C5: variants seen among roughly 807,000 people sequenced by gnomAD.
The protein encoded by C5 is complement C5.
A neutral mutation model predicts 218.8 loss-of-function variants in C5; 140 were observed. The ratio of observed to expected loss-of-function variants is 0.64; its 90% confidence interval spans 0.56 to 0.74. The LOEUF (loss-of-function observed/expected upper bound fraction) is 0.74, where lower values mean the gene tolerates loss of function less well. Among genes scored for constraint, C5 ranks in the 30% least tolerant of loss-of-function variants. The pLI, the probability that C5 is intolerant of heterozygous loss-of-function variation, is 0.00. For synonymous variants in C5, 614 were observed against 682.3 expected, an observed-to-expected ratio of 0.90 and a Z score of 1.56; for missense variants, 1,700 against 1,969.6, an observed-to-expected ratio of 0.86 and a Z score of 2.59.
chr9:121,067,175 G>A, the C5 span, among the ~76,000 whole-genome samples: 1 of 152,044 alleles, frequency 6.6e-6, no homozygotes, highest in Admixed American at 6.6e-5. Context: ...GATTGAGGCA[G>A]GAGAATCGCT....
intron 20 of C5, among the ~76,000 whole-genome samples, chr9:121,002,246 A>ATATATACG (rs2047172341): frequency 7.2e-5 from 3 of 41,696 alleles, no homozygotes; most frequent in African/African-American, 1.2e-4. Context: ...ATGTATATGT[A>ATATATACG]TATATATGTA....
At chr9:120,968,118 G>A (rs1056338183) in intron 33 of C5, among the ~76,000 whole-genome samples, 30 of 152,132 alleles carry the variant, frequency 2.0e-4, no homozygotes, top group African/African-American at 7.0e-4. Context: ...CTGAACCTGT[G>A]AATATGTTAC....
intron 32 of C5, 83 bp from the exon 33 acceptor site, chr9:120,969,201 C>G: frequency 9.6e-7 from 1 of 1,039,550 alleles, no homozygotes; most frequent in Non-Finnish European, 1.5e-6. Context: ...AGAACAGAAT[C>G]ATTAATGAGC....
At chr9:121,031,574 C>T (rs2047474727) in intron 6 of C5, among the ~76,000 whole-genome samples, 1 of 152,076 alleles carries the variant, frequency 6.6e-6, no homozygotes, top group South Asian at 2.1e-4. Context: ...AACACAAGTA[C>T]ACAGAGGTTG....
At chr9:121,039,786 C>T (rs1417246086) in intron 3 of C5, among the ~76,000 whole-genome samples, 1 of 152,110 alleles carries the variant, frequency 6.6e-6, no homozygotes, top group Non-Finnish European at 1.5e-5. Context: ...GTAGCTGGGA[C>T]TACAGGCACC....
intron 25 of C5, among the ~76,000 whole-genome samples, chr9:120,988,034 G>A (rs891337655): frequency 1.3e-5 from 2 of 152,088 alleles, no homozygotes; most frequent in Admixed American, 6.5e-5. Context: ...CTCATGATCC[G>A]CCCGCCTTGT....
chr9:121,008,536 T>C (rs749055707), intron 17 of C5, 38 bp from the exon 18 acceptor site: 4 of 1,425,232 alleles, frequency 2.8e-6, no homozygotes, highest in African/African-American at 1.4e-5. Context: ...GGAAAAACAA[T>C]ATAAATTCTA....
At chr9:121,001,507 CAA>C (rs1291577211) in intron 20 of C5, among the ~76,000 whole-genome samples, 1 of 152,090 alleles carries the variant, frequency 6.6e-6, no homozygotes, top group Non-Finnish European at 1.5e-5. Context: ...TATTAACAAA[CAA>C]TATATAGCGC....
At chr9:121,046,627 G>A (rs555967465) in intron 1 of C5, among the ~76,000 whole-genome samples, 4 of 152,294 alleles carry the variant, frequency 2.6e-5, no homozygotes, top group Admixed American at 1.3e-4. Context: ...TAAGGTGATA[G>A]CAGCACTTTC....
the C5 span, among the ~76,000 whole-genome samples, chr9:121,069,636 C>T: frequency 6.6e-6 from 1 of 151,940 alleles, no homozygotes; most frequent in Admixed American, 6.6e-5. Context: ...ACTCAGCCTC[C>T]CAAGTAGCTA....
At chr9:121,048,207 TTTAAG>T (rs1488557589) in intron 1 of C5, among the ~76,000 whole-genome samples, 3 of 152,248 alleles carry the variant, frequency 2.0e-5, no homozygotes, top group Admixed American at 6.5e-5. Flanking sequence ...GCTTTATGTT[TTTAAG>T]TTTAGTATTG....
intron 31 of C5, 48 bp from the exon 32 acceptor site, chr9:120,970,299 G>C: frequency 7.8e-7 from 1 of 1,283,278 alleles, no homozygotes; most frequent in Non-Finnish European, 1.1e-6. Context: ...AAGTGGGAAA[G>C]TGACAAAGGT....
the C5 span, among the ~76,000 whole-genome samples, chr9:121,071,405 C>T: frequency 9.9e-5 from 15 of 151,914 alleles, no homozygotes; most frequent in Non-Finnish European, 1.0e-4. Context: ...AAAAATCAGG[C>T]TGGGCATGCT....
intron 39 of C5, chr9:120,957,052 A>G (rs1467473154): frequency 4.7e-6 from 2 of 428,394 alleles, no homozygotes; most frequent in Non-Finnish European, 8.7e-6. Flanking sequence ...AAATTGGACA[A>G]TTACGCAATT....
In C5 at chr9:120,969,058, C is replaced by T. The variant is rs755476276; in HGVS notation, c.4220+3G>A. ...ATGCTCCCCTTTGTGGAAATAGGCTCACCTGGCACATGCTACTATGCGTTT... is the reference window on the plus strand; with the variant it reads ...ATGCTCCCCTTTGTGGAAATAGGCTTACCTGGCACATGCTACTATGCGTTT... On this transcript the variant is annotated splice_donor_region_variant and intron_variant, in intron 33 of 40. Transcript: ENST00000223642. 1 of 1,613,056 alleles carries T rather than the reference C, an allele frequency of 6.2e-7. No homozygotes were observed. The highest frequency in any genetic ancestry group is 2.2e-5 in the East Asian group (1 of 44,866).
chr9:121,044,428 A>T (rs2047608154), intron 2 of C5, among the ~76,000 whole-genome samples: 1 of 152,160 alleles, frequency 6.6e-6, no homozygotes, highest in Non-Finnish European at 1.5e-5. Context: ...GTGAGCCGAT[A>T]TTACACCACT....
intron 34 of C5, 136 bp from the exon 35 acceptor site, chr9:120,963,103 G>T: frequency 1.3e-6 from 1 of 744,582 alleles, no homozygotes; most frequent in Non-Finnish European, 2.4e-6. Flanking sequence ...TCCTCTTCTT[G>T]AAAAAGTCTG....
In C5 at chr9:121,008,927, CACAA is replaced by C. The variant is rs60617637; in HGVS notation, c.2258-433_2258-430del. On this transcript the variant is annotated intron_variant, in intron 17 of 40. Coordinates refer to ENST00000223642, the MANE Select transcript of C5 (RefSeq NM_001735.3). ...CCTGGGTAACAGAGAGAGACTCTGTCACAAACAAACAAACAAACAAACAAACAAA... is the reference window on the plus strand; with the variant it reads ...CCTGGGTAACAGAGAGAGACTCTGTCACAAACAAACAAACAAACAAACAAA... Among the ~76,000 whole-genome samples, 447 of 150,430 alleles carry C rather than the reference CACAA, an allele frequency of 3.0e-3. 2 individuals carry two copies. The highest frequency in any genetic ancestry group is 9.2e-3 in the African/African-American group (374 of 40,868).
chr9:120,964,749 T>C (rs1248562766), intron 33 of C5, among the ~76,000 whole-genome samples: 1 of 152,212 alleles, frequency 6.6e-6, no homozygotes, highest in African/African-American at 2.4e-5. Flanking sequence ...TCAGGAAACT[T>C]GGGTTTTATT....
Sources: allele counts gnomAD v4.1 joint callset (sites outside exome capture counted in the v4.1 genomes callset), GRCh38; gene constraint gnomAD v4.1.1; transcripts MANE v1.5; gene names NCBI Gene and HGNC (gene_info 2026-07-23, HGNC 2026-07-21).